MX2: variants seen among roughly 807,000 people sequenced by gnomAD.
The protein encoded by MX2 is interferon-induced GTP-binding protein Mx2.
MX2 carries 51 observed loss-of-function variants against 74.0 expected under a neutral mutation model. The ratio of observed to expected loss-of-function variants is 0.69; its 90% CI spans 0.55 to 0.87. The LOEUF is 0.87. Ranked by LOEUF, MX2 falls within the 40% of genes least tolerant of loss-of-function variation. The pLI, the probability that MX2 is intolerant of heterozygous loss-of-function variation, is 0.00. For synonymous variants in MX2, 369 were observed against 339.3 expected, an observed-to-expected ratio of 1.09 and a Z score of -0.96; for missense variants, 832 against 908.7, an observed-to-expected ratio of 0.92 and a Z score of 1.09.
intron 6 of MX2, among the ~76,000 whole-genome samples, chr21:41,393,571 C>T (rs1170137254): frequency 6.6e-6 from 1 of 152,080 alleles, no homozygotes; most frequent in Non-Finnish European, 1.5e-5. Flanking sequence ...CTGGAAGTCA[C>T]ATTCTTAGAC....
intron 1 of MX2, among the ~76,000 whole-genome samples, chr21:41,362,592 T>G (rs1468919507): frequency 1.3e-5 from 2 of 151,754 alleles, no homozygotes; most frequent in African/African-American, 4.8e-5. Flanking sequence ...ATGGTGTGAA[T>G]GCTCCCACCG....
rs757329930 is a variant in MX2, at chr21:41,397,641, G to A, written c.1099G>A (p.Val367Ile). The A allele has an allele frequency of 8.7e-6, 14 of 1,613,988 alleles. No homozygotes were observed. The highest frequency in any genetic ancestry group is 1.3e-5 in the African/African-American group (1 of 74,934). The change falls in exon 8 of 14, where the codon GTT becomes ATT. Residue 367 changes from valine (V) to isoleucine (I), a missense_variant. Val to Ile is a conservative substitution (Grantham distance 29). Coordinates refer to ENST00000330714, the MANE Select transcript of MX2 (RefSeq NM_002463.2). ...RVLLEEGSAT[V>I]PRLAERLTTE... ...TCTCCTGGAGGAGGGGTCAGCCACGGTTCCCCGACTGGCAGAAAGACTTAC... is the reference window on the plus strand; with the variant it reads ...TCTCCTGGAGGAGGGGTCAGCCACGATTCCCCGACTGGCAGAAAGACTTAC...
chr21:41,394,675 G>T (rs2089708598), intron 6 of MX2, among the ~76,000 whole-genome samples: 1 of 152,184 alleles, frequency 6.6e-6, no homozygotes, highest in Non-Finnish European at 1.5e-5. Context: ...AGGCACGGTG[G>T]CTCATGCCTG....
intron 5 of MX2, among the ~76,000 whole-genome samples, chr21:41,386,415 A>G (rs2089578299): frequency 6.6e-6 from 1 of 152,170 alleles, no homozygotes; most frequent in South Asian, 2.1e-4. Flanking sequence ...ACAGGAGTTT[A>G]GAGGAGCAAT....
intron 6 of MX2, 121 bp downstream of exon 6, chr21:41,390,824 T>C: frequency 9.1e-7 from 1 of 1,098,496 alleles, no homozygotes; most frequent in East Asian, 2.7e-5. Flanking sequence ...GCTAATCCGG[T>C]GAAACCTCGT....
intron 2 of MX2, among the ~76,000 whole-genome samples, 188 bp downstream of exon 2, chr21:41,377,343 T>A (rs1194250589): frequency 6.6e-6 from 1 of 152,224 alleles, no homozygotes; most frequent in Non-Finnish European, 1.5e-5. Context: ...AGCAACGGGC[T>A]GCTGCGACGT....
At chr21:41,375,180 C>T (rs138312493) in intron 1 of MX2, among the ~76,000 whole-genome samples, 3 of 152,364 alleles carry the variant, frequency 2.0e-5, no homozygotes, top group African/African-American at 7.2e-5. Context: ...AGCCCACCAC[C>T]TGTCTTTCTC....
intron 1 of MX2, among the ~76,000 whole-genome samples, chr21:41,373,641 A>G (rs2089355978): frequency 6.6e-6 from 1 of 152,044 alleles, no homozygotes; most frequent in African/African-American, 2.4e-5. Context: ...CAAAGCATCC[A>G]GAATCCAGTC....
At chr21:41,404,758 A>G (rs1427089581) in intron 12 of MX2, 1 of 152,006 alleles carries the variant, frequency 6.6e-6, no homozygotes, top group Non-Finnish European at 1.5e-5. Context: ...TAAAGTGCAC[A>G]TGTGAAATCA....
In MX2 at chr21:41,398,927, A is replaced by T; in HGVS notation, c.1180A>T (p.Arg394Trp). 1 of 1,613,900 alleles carries T rather than the reference A, an allele frequency of 6.2e-7. No individual in the cohort carries two copies. The highest frequency in any genetic ancestry group is 1.1e-5 in the South Asian group (1 of 91,066). Residue 394 changes from arginine (R) to tryptophan (W), a missense_variant, in exon 9 of 14, where the codon AGG becomes TGG. By Grantham distance (101) the Arg-to-Trp change is moderately radical. Coordinates refer to ENST00000330714, the MANE Select transcript of MX2 (RefSeq NM_002463.2). ...GCTCCCGTTGTTAGAAGGACAAATA[A>T]GGGAGAGCCACCAGAAGGCGACCGA... Reference protein sequence around the residue: ...KSLPLLEGQIRESHQKATEEL... With the variant: ...KSLPLLEGQIWESHQKATEEL...
intron 5 of MX2, among the ~76,000 whole-genome samples, chr21:41,385,866 A>G (rs1285111088): frequency 4.6e-5 from 7 of 152,194 alleles, no homozygotes; most frequent in African/African-American, 1.7e-4. Context: ...CAGATAGAAT[A>G]ATAATGAAAA....
chr21:41,386,663 C>G (rs1424279725), intron 5 of MX2, among the ~76,000 whole-genome samples: 1 of 152,220 alleles, frequency 6.6e-6, no homozygotes, highest in Admixed American at 6.5e-5. Context: ...CTGCCCTACC[C>G]AACCTGGCTG....
At chr21:41,391,530 A>G (rs114741284) in intron 6 of MX2, among the ~76,000 whole-genome samples, 2,445 of 151,974 alleles carry the variant, frequency 0.016, 58 homozygotes, top group African/African-American at 0.056. Context: ...CTACATGCAC[A>G]TGCCATCACG....
chr21:41,407,956 C>G (rs926313270), intron 13 of MX2, 35 bp from the exon 14 acceptor site: 1 of 1,612,174 alleles, frequency 6.2e-7, no homozygotes, highest in Non-Finnish European at 8.5e-7. Context: ...TGGGCTGAGA[C>G]CACTCCAGCA....
intron 1 of MX2, among the ~76,000 whole-genome samples, chr21:41,362,987 T>C (rs1255165462): frequency 1.3e-5 from 2 of 152,006 alleles, no homozygotes; most frequent in East Asian, 1.9e-4. Context: ...TCAAACTCAC[T>C]GGCTCAAGAA....
rs754616202 is a variant in MX2, at chr21:41,406,912, ATGAAGT to A, written c.1824_1829del (p.Lys608_Leu609del). 1.2e-6 allele frequency: 2 copies of A among 1,614,166 alleles called. No individual in the cohort carries two copies. The highest frequency in any genetic ancestry group is 2.7e-5 in the African/African-American group (2 of 75,062). ...CCCTCTGGGGACGCCTTCACAGAAT[ATGAAGT>A]TGAACTCTCATTTTCCCAGTAATGA... On this transcript the variant is annotated inframe_deletion, in exon 13 of 14. Coordinates refer to ENST00000330714, the MANE Select transcript of MX2 (RefSeq NM_002463.2).
At chr21:41,405,469 C>T (rs1038872356) in intron 12 of MX2, among the ~76,000 whole-genome samples, 3 of 151,956 alleles carry the variant, frequency 2.0e-5, no homozygotes, top group Non-Finnish European at 2.9e-5. Context: ...ATGGCCACCA[C>T]CTTCTTGTGT....
At chr21:41,390,105 C>T (rs117533798) in intron 5 of MX2, 2,854 of 158,926 alleles carry the variant, frequency 0.018, 42 homozygotes, top group Non-Finnish European at 0.026. Context: ...GGGGAGCAGG[C>T]ATTGCTCGCT....
Position 41,392,704 on chromosome 21 carries a change from TA to T in MX2, c.871+2008del, listed in dbSNP as rs529175279. On this transcript the variant is annotated intron_variant, in intron 6 of 13. Coordinates refer to ENST00000330714, the MANE Select transcript of MX2 (RefSeq NM_002463.2). ...ACCATTTTTGTAAAGAAATTTTTTT[TA>T]AAAAAACAAGGTAGCTAAAGACAGA... Among the ~76,000 whole-genome samples the T allele has an allele frequency of 5.5e-4, 84 of 152,210 alleles. 3 individuals are homozygous for T. In the East Asian group the frequency reaches 0.012, roughly 22 times the overall value.
Sources: allele counts gnomAD v4.1 joint callset (sites outside exome capture counted in the v4.1 genomes callset), GRCh38; gene constraint gnomAD v4.1.1; transcripts MANE v1.5; gene names NCBI Gene and HGNC (gene_info 2026-07-23, HGNC 2026-07-21).